Variants in GLI2 observed in about 807,000 individuals in gnomAD.
The protein encoded by GLI2 is GLI family zinc finger 2.
GLI2 carries 22 observed loss-of-function variants against 78.9 expected under a neutral mutation model. The ratio of observed to expected loss-of-function variants is 0.28; its 90% CI spans 0.20 to 0.40. The LOEUF is 0.40. Among genes scored for constraint, GLI2 ranks in the 10% least tolerant of loss-of-function variants. GLI2 has a pLI of 1.00. For missense variants in GLI2, 2,097 were observed against 2,213.2 expected (o/e 0.95, Z 1.05); for synonymous variants, 974 against 963.7 (o/e 1.01, Z -0.20).
chr2:120,884,686 CA>C (rs1677309711), intron 2 of GLI2, among the ~76,000 whole-genome samples: 1 of 152,194 alleles, frequency 6.6e-6, no homozygotes, highest in African/African-American at 2.4e-5. Flanking sequence ...TGGGTCCCCG[CA>C]GTTCACCCGC....
At chr2:120,915,233 G>GGCGGACCCAGCAGAGGCC (rs1279182593) in intron 2 of GLI2, among the ~76,000 whole-genome samples, 2 of 152,218 alleles carry the variant, frequency 1.3e-5, no homozygotes, top group African/African-American at 4.8e-5. Flanking sequence ...AGTGTGCGTG[G>GGCGGACCCAGCAGAGGCC]GCGGACCCAG....
intron 3 of GLI2, among the ~76,000 whole-genome samples, chr2:120,942,063 C>T (rs1057198349): frequency 2.6e-5 from 4 of 152,106 alleles, no homozygotes; most frequent in African/African-American, 4.8e-5. Flanking sequence ...AAATAGGAGC[C>T]CTGCTAAGAG....
chr2:120,799,507 G>C (rs1166650735), intron 2 of GLI2, among the ~76,000 whole-genome samples: 1 of 152,238 alleles, frequency 6.6e-6, no homozygotes, highest in Non-Finnish European at 1.5e-5. Flanking sequence ...TTTTGGGAAG[G>C]GTCCTCCTGG....
chr2:120,754,243 G>A (rs184173835), intron 1 of GLI2, among the ~76,000 whole-genome samples: 11 of 152,168 alleles, frequency 7.2e-5, no homozygotes, highest in African/African-American at 2.7e-4. Context: ...CACATCAACA[G>A]GGAGTGTTAT....
At chr2:120,885,551 G>A (rs926818728) in intron 2 of GLI2, among the ~76,000 whole-genome samples, 2 of 152,150 alleles carry the variant, frequency 1.3e-5, no homozygotes, top group East Asian at 1.9e-4. Context: ...TCATCTCACC[G>A]ACTGCCTCAG....
chr2:120,932,132 C>T (rs531694739), intron 3 of GLI2, among the ~76,000 whole-genome samples: 1 of 152,314 alleles, frequency 6.6e-6, no homozygotes, highest in East Asian at 1.9e-4. Flanking sequence ...TGGTTGGAGC[C>T]CGGTGGAGAA....
At chr2:120,832,575 C>T (rs1345963959) in intron 2 of GLI2, among the ~76,000 whole-genome samples, 1 of 152,208 alleles carries the variant, frequency 6.6e-6, no homozygotes. Flanking sequence ...CTCTCCCACC[C>T]CCAGCCCAGG....
intron 2 of GLI2, among the ~76,000 whole-genome samples, chr2:120,816,060 A>G (rs1346600900): frequency 2.0e-5 from 3 of 152,108 alleles, no homozygotes; most frequent in South Asian, 2.1e-4. Flanking sequence ...GCTGGCTCCA[A>G]CCCTCTTTGC....
intron 2 of GLI2, among the ~76,000 whole-genome samples, chr2:120,923,549 G>A (rs545473368): frequency 3.9e-4 from 58 of 149,158 alleles, no homozygotes; most frequent in South Asian, 8.6e-4. Context: ...AGCAACACAC[G>A]CATACAGCAC....
chr2:120,903,518 A>G (rs528362916), intron 2 of GLI2, among the ~76,000 whole-genome samples: 2 of 152,330 alleles, frequency 1.3e-5, no homozygotes, highest in East Asian at 1.9e-4. Context: ...GACTGTCCCC[A>G]GGACCCTCAG....
chr2:120,834,453 A>T (rs1686512469), intron 2 of GLI2, among the ~76,000 whole-genome samples: 1 of 152,086 alleles, frequency 6.6e-6, no homozygotes, highest in Non-Finnish European at 1.5e-5. Context: ...GGCCTCCCAG[A>T]GTGTAGAGCC....
In GLI2 at chr2:120,973,238, C is replaced by T. The variant is rs534038297; in HGVS notation, c.1182+1175C>T. Among the ~76,000 whole-genome samples the T allele has an allele frequency of 1.5e-3, 227 of 152,352 alleles. 1 individual carries two copies. The highest frequency in any genetic ancestry group is 2.7e-3 in the Non-Finnish European group (186 of 68,032). ...GTCTCAGCACGATGCATGGTTTCCA[C>T]GGGGCCGACCATCATCGGGAGCCAA... On this transcript the variant is annotated intron_variant, in intron 8 of 13. Transcript: ENST00000361492.
chr2:120,900,694 G>T (rs548446365), intron 2 of GLI2, among the ~76,000 whole-genome samples: 5 of 152,272 alleles, frequency 3.3e-5, no homozygotes, highest in Non-Finnish European at 7.3e-5. Context: ...TACTTTCACA[G>T]CCCCTGGGTA....
intron 2 of GLI2, among the ~76,000 whole-genome samples, chr2:120,868,945 T>C (rs1688289673): frequency 6.6e-6 from 1 of 152,082 alleles, no homozygotes; most frequent in Non-Finnish European, 1.5e-5. Flanking sequence ...GCACATCGTA[T>C]TGGAGGTCAT....
intron 2 of GLI2, among the ~76,000 whole-genome samples, chr2:120,803,376 G>T (rs1684791477): frequency 6.6e-6 from 1 of 152,152 alleles, no homozygotes; most frequent in African/African-American, 2.4e-5. Flanking sequence ...AGAGGGCCTT[G>T]TGTGAGGTCC....
intron 2 of GLI2, among the ~76,000 whole-genome samples, chr2:120,902,371 T>C (rs1678311151): frequency 6.6e-6 from 1 of 152,146 alleles, no homozygotes; most frequent in African/African-American, 2.4e-5. Context: ...TTATAATAAT[T>C]GACACTCTGT....
intron 5 of GLI2, among the ~76,000 whole-genome samples, chr2:120,963,829 T>A (rs55895970): frequency 0.048 from 7,257 of 152,366 alleles, 529 homozygotes; most frequent in African/African-American, 0.16. Flanking sequence ...CCCTTCTTTA[T>A]GGGACAGTCG....
rs189213046 is a variant in GLI2, at chr2:120,925,123, C to T, written c.149-2238C>T. On this transcript the variant is annotated intron_variant, in intron 2 of 13. Transcript: ENST00000361492. ...CAGCCACATGCCCGGCTCACCTGTG[C>T]AGGGCCAGGGCCTCAGAGAAAAGGT... Among the ~76,000 whole-genome samples the T allele has an allele frequency of 3.9e-5, 6 of 152,322 alleles. No individual in the cohort carries two copies. In the East Asian group the frequency reaches 1.2e-3, roughly 29 times the overall value.
In GLI2 at chr2:120,984,738, T is replaced by G; in HGVS notation, c.1900T>G (p.Ser634Ala). The G allele has an allele frequency of 6.2e-7, 1 of 1,612,254 alleles. No homozygotes were observed. Among genetic ancestry groups the G allele is most frequent in the Non-Finnish European group, 8.5e-7 (1 of 1,179,796 alleles). ...LHVRAIKTES[S>A]GLCQSSPGAQ... ...CGTCAGAGCCATCAAGACCGAGAGC[T>G]CCGGGGTAAGCGGAGCTGGGCAGCC... is the stretch of plus-strand genomic sequence containing the variant. The change falls in exon 12 of 14, where the codon TCC becomes GCC. Residue 634 changes from serine (S) to alanine (A), a missense_variant. This residue lies in a region of GLI2 where 68 missense variants were observed against 104.4 expected (regional missense o/e 0.65). Transcript: ENST00000361492.
Sources: gnomAD v4.1 joint callset for allele counts (sites outside exome capture counted in the v4.1 genomes callset) on GRCh38, gnomAD v4.1.1 for gene constraint, gnomAD v4.1.1 regional missense constraint, MANE v1.5 for transcripts, NCBI Gene and HGNC (gene_info 2026-07-23, HGNC 2026-07-21) for gene names.